The following EFCAB3 variants were observed in gnomAD, a reference collection of about 807,000 sequenced individuals.
The protein encoded by EFCAB3 is EF-hand calcium binding domain 3.
Under a neutral mutation model 42.2 loss-of-function variants are expected in EFCAB3, and 36 were observed. The ratio of observed to expected loss-of-function variants is 0.85; its 90% CI spans 0.65 to 1.13. The LOEUF (loss-of-function observed/expected upper bound fraction) is 1.13. Ranked by LOEUF, EFCAB3 falls within the 50% of genes most tolerant of loss-of-function variation. EFCAB3 has a pLI of 0.00. For synonymous variants in EFCAB3, 170 were observed against 172.8 expected (o/e 0.98, Z 0.13); for missense variants, 418 against 505.1 (o/e 0.83, Z 1.65).
At chr17:62,387,054 A>C (rs1337919402) in intron 2 of EFCAB3, among the ~76,000 whole-genome samples, 1 of 152,148 alleles carries the variant, frequency 6.6e-6, no homozygotes, top group Non-Finnish European at 1.5e-5. Context: ...GACCTCCCAA[A>C]GGGGTAGGAG....
At position 62,404,875 on chromosome 17, in the gene EFCAB3, A is replaced by C. The variant is rs551879689; in HGVS notation, c.489-1605A>C. Among the ~76,000 whole-genome samples, 121 of 152,334 alleles carry C rather than the reference A, an allele frequency of 7.9e-4. 1 individual carries two copies. The highest frequency in any genetic ancestry group is 6.9e-3 in the Admixed American group (106 of 15,296). On this transcript the variant is annotated intron_variant, in intron 6 of 9. Coordinates refer to ENST00000305286, the MANE Select transcript of EFCAB3 (RefSeq NM_173503.4). ...TAGTTTTGGTATGTAATATACATGAAACAATTAGTTATAAAATATAATGTG... is the reference window on the plus strand; with the variant it reads ...TAGTTTTGGTATGTAATATACATGACACAATTAGTTATAAAATATAATGTG...
intron 8 of EFCAB3, among the ~76,000 whole-genome samples, chr17:62,409,460 A>G (rs890523938): frequency 1.3e-5 from 2 of 152,200 alleles, no homozygotes; most frequent in Non-Finnish European, 2.9e-5. Context: ...ACTTGAGCCC[A>G]GGAGTTCAAG....
rs8068208 is a variant in EFCAB3 at position 62,407,068 on chromosome 17, C to A, written c.723C>A (p.Pro241=). 2 of 1,600,726 alleles carry A rather than the reference C, an allele frequency of 1.2e-6. No individual in the cohort carries two copies. Among genetic ancestry groups the A allele is most frequent in the Non-Finnish European group, 1.7e-6 (2 of 1,176,250 alleles). ...SGSDSPYSKI[P]IFPLFPNVDG... Reference sequence around the variant, plus strand: ...CAGATAGCCCATATTCAAAAATACCCATCTTTCCATTGTTCCCTAATGTGG... The same window carrying A: ...CAGATAGCCCATATTCAAAAATACCAATCTTTCCATTGTTCCCTAATGTGG... The change falls in exon 8 of 10, where the codon CCC becomes CCA. Residue 241 remains proline (P), a synonymous_variant. Coordinates refer to ENST00000305286, the MANE Select transcript of EFCAB3 (RefSeq NM_173503.4).
intron 3 of EFCAB3, among the ~76,000 whole-genome samples, chr17:62,389,567 A>G (rs1213713211): frequency 6.6e-6 from 1 of 152,186 alleles, no homozygotes; most frequent in Non-Finnish European, 1.5e-5. Context: ...AGCATCTCCC[A>G]TCCTTACTGT....
chr17:62,390,289 G>T (rs372641525), intron 3 of EFCAB3, among the ~76,000 whole-genome samples: 2 of 152,184 alleles, frequency 1.3e-5, no homozygotes, highest in East Asian at 1.9e-4. Context: ...CTTTGAATAT[G>T]AGAGAGGGGA....
chr17:62,377,587 CTA>C (rs1286910094), upstream of EFCAB3, among the ~76,000 whole-genome samples: 1 of 152,142 alleles, frequency 6.6e-6, no homozygotes, highest in Non-Finnish European at 1.5e-5. Flanking sequence ...AAAGAAATAT[CTA>C]TCTCATTAAA....
At chr17:62,395,252 C>T in intron 6 of EFCAB3, 64 bp downstream of exon 6, 1 of 1,585,206 alleles carries the variant, frequency 6.3e-7, no homozygotes, top group East Asian at 2.2e-5. Flanking sequence ...ATTAACATGG[C>T]AGTCAGCTCC....
intron 3 of EFCAB3, among the ~76,000 whole-genome samples, chr17:62,390,459 T>C (rs752796968): frequency 6.6e-6 from 1 of 152,178 alleles, no homozygotes; most frequent in Non-Finnish European, 1.5e-5. Flanking sequence ...TTTCTAATCA[T>C]CCACCCAGAA....
chr17:62,410,655 T>C (rs2070487592), intron 8 of EFCAB3, among the ~76,000 whole-genome samples: 1 of 152,100 alleles, frequency 6.6e-6, no homozygotes. Flanking sequence ...TTCAAAAATG[T>C]ATTCAAAAGA....
chr17:62,397,073 G>A (rs185570353), intron 6 of EFCAB3, among the ~76,000 whole-genome samples: 4 of 152,080 alleles, frequency 2.6e-5, no homozygotes, highest in South Asian at 2.1e-4. Context: ...TCCAGAACTC[G>A]GGCTCTTATC....
At chr17:62,414,658 A>T (rs1163418311) in intron 9 of EFCAB3, among the ~76,000 whole-genome samples, 4 of 151,986 alleles carry the variant, frequency 2.6e-5, no homozygotes. Flanking sequence ...GTACATGTGC[A>T]GGTTTGTTAT....
intron 2 of EFCAB3, among the ~76,000 whole-genome samples, chr17:62,384,555 G>A (rs2070232401): frequency 6.6e-6 from 1 of 152,178 alleles, no homozygotes; most frequent in Non-Finnish European, 1.5e-5. Context: ...GCAGAGGTTA[G>A]GGTGAGCTGA....
chr17:62,407,184 TTTTC>T lies in EFCAB3; in HGVS notation c.840_843del (p.Phe281IlefsTer12). The T allele has an allele frequency of 6.3e-7, 1 of 1,595,450 alleles. No individual in the cohort carries two copies. The highest frequency in any genetic ancestry group is 8.5e-7 in the Non-Finnish European group (1 of 1,174,658). On this transcript the variant is annotated frameshift_variant, in exon 8 of 10. Transcript: ENST00000305286. LOFTEE classifies it high-confidence loss of function. ...CCTTTGCATTTCTTTGAGGATTATT[TTTTC>T]CATAAAAGAGACTGGAAAACACAGG...
intron 5 of EFCAB3, among the ~76,000 whole-genome samples, chr17:62,394,062 C>T (rs1238608417): frequency 1.3e-5 from 2 of 151,916 alleles, no homozygotes; most frequent in African/African-American, 4.8e-5. Context: ...TCATGCCATT[C>T]TCCTGCCTCA....
At chr17:62,378,182 T>G (rs543101029), upstream of EFCAB3, among the ~76,000 whole-genome samples, 1 of 152,368 alleles carries the variant, frequency 6.6e-6, no homozygotes, top group South Asian at 2.1e-4. Context: ...CAACTTTCTT[T>G]CTAAGTTCCT....
At chr17:62,393,068 C>G (rs1183018529) in intron 4 of EFCAB3, among the ~76,000 whole-genome samples, 1 of 152,196 alleles carries the variant, frequency 6.6e-6, no homozygotes, top group Non-Finnish European at 1.5e-5. Context: ...CCTACTCAAT[C>G]AACATCAGTT....
chr17:62,372,561 C>T (rs1287881264), intron 1 of EFCAB3, among the ~76,000 whole-genome samples: 3 of 58 alleles, frequency 0.052, no homozygotes, highest in South Asian at 0.25. Context: ...GAATTACAGG[C>T]GTGACCACCG....
At chr17:62,380,856 T>C (rs1474546713) in intron 1 of EFCAB3, 1 of 152,534 alleles carries the variant, frequency 6.6e-6, no homozygotes, top group African/African-American at 2.4e-5. Flanking sequence ...GGCTCTGAGG[T>C]GGAGACCTGG....
rs776381548 is a variant in EFCAB3 at position 62,382,964 on chromosome 17, CA to C, written c.-15del. 8.1e-6 allele frequency: 13 copies of C among 1,610,146 alleles called. No homozygotes were observed. The highest frequency in any genetic ancestry group is 1.1e-5 in the Non-Finnish European group (13 of 1,178,812). The stretch of plus-strand genomic sequence containing the variant: ...TTAATTGTATATTCTGAATTCCAGA[CA>C]GAGTCACTGGCCACATGGCAGTTTC... On this transcript the variant is annotated splice_region_variant and 5_prime_UTR_variant, in exon 2 of 10. Coordinates refer to ENST00000305286, the MANE Select transcript of EFCAB3 (RefSeq NM_173503.4).
Sources: gnomAD v4.1 joint callset for allele counts (sites outside exome capture counted in the v4.1 genomes callset) on GRCh38, gnomAD v4.1.1 for gene constraint, MANE v1.5 for transcripts, NCBI Gene and HGNC (gene_info 2026-07-23, HGNC 2026-07-21) for gene names.